Variants in DNAH5 observed in about 807,000 individuals in gnomAD.
DNAH5 encodes axonemal beta dynein heavy chain 5.
In DNAH5, 372 loss-of-function variants were observed where a neutral mutation model predicts 518.2. That is an observed-to-expected ratio of 0.72 (90% confidence interval 0.66 to 0.78). DNAH5 has a LOEUF of 0.78. Ranked by LOEUF, DNAH5 falls within the 30% of genes least tolerant of loss-of-function variation. DNAH5 has a pLI of 0.00. For synonymous variants in DNAH5, 2,039 were observed against 2,025.9 expected (o/e 1.01, Z -0.17); for missense variants, 5,523 against 5,687.0 (o/e 0.97, Z 0.93).
chr5:13,963,792 G>A (rs1016268000), intron 1 of DNAH5, among the ~76,000 whole-genome samples: 2 of 151,966 alleles, frequency 1.3e-5, no homozygotes, highest in African/African-American at 4.8e-5. Context: ...GGACTCAAAT[G>A]ATCCTCCTGC....
intron 1 of DNAH5, among the ~76,000 whole-genome samples, chr5:13,995,300 C>T (rs1180758122): frequency 6.6e-6 from 1 of 152,176 alleles, no homozygotes; most frequent in Admixed American, 6.5e-5. Context: ...TCCAAACCCC[C>T]AAAGTCAGCC....
At chr5:13,758,082 A>C (rs1293097698) in intron 61 of DNAH5, among the ~76,000 whole-genome samples, 1 of 152,176 alleles carries the variant, frequency 6.6e-6, no homozygotes, top group African/African-American at 2.4e-5. Flanking sequence ...TTTGTAAAAA[A>C]AAAAAATCAG....
chr5:13,974,138 CTTTTCTT>C (rs1782067199), intron 1 of DNAH5, among the ~76,000 whole-genome samples: 2 of 139,942 alleles, frequency 1.4e-5, no homozygotes, highest in South Asian at 4.6e-4. Context: ...TTTTTCTTTT[CTTTTCTT>C]TTTTTTTTTA....
At chr5:13,972,393 A>G (rs907212589) in intron 1 of DNAH5, among the ~76,000 whole-genome samples, 12 of 152,162 alleles carry the variant, frequency 7.9e-5, no homozygotes, top group Admixed American at 2.6e-4. Context: ...ACAAAGTTCA[A>G]TTGGAAGTTT....
rs1774471037 is a variant in DNAH5, at chr5:13,900,580, C to T, written c.2053-168G>A. 25 of 646,454 alleles carry T rather than the reference C, an allele frequency of 3.9e-5. No homozygotes were observed. In the South Asian group the frequency reaches 4.1e-4, roughly 11 times the overall value. 40.0% of individuals were successfully genotyped at this position (646,454 alleles called of 1,614,324 possible). On this transcript the variant is annotated intron_variant, in intron 14 of 78. Transcript: ENST00000265104. Reference sequence around the variant, plus strand: ...CTCTTCTCCTAAATCCAGTCTCATACAATAGCCTTCAAGTTCTTGGTGTTG... The same window carrying T: ...CTCTTCTCCTAAATCCAGTCTCATATAATAGCCTTCAAGTTCTTGGTGTTG...
rs780634368 is a variant in DNAH5, at chr5:13,824,337, G to T, written c.6445-4C>A. 6.2e-7 allele frequency: 1 copy of T among 1,614,008 alleles called. No individual in the cohort carries two copies. The highest frequency in any genetic ancestry group is 8.5e-7 in the Non-Finnish European group (1 of 1,179,952). ...GCAGGCCAAAGTCATAATGAACCTA[G>T]AGAATGTGAGATACATTGGGCTTAT... On this transcript the variant is annotated splice_polypyrimidine_tract_variant and splice_region_variant and intron_variant, in intron 38 of 78. Transcript: ENST00000265104.
At chr5:13,693,671 A>C (rs981864216) in intron 78 of DNAH5, among the ~76,000 whole-genome samples, 16 of 152,214 alleles carry the variant, frequency 1.1e-4, no homozygotes, top group Non-Finnish European at 2.2e-4. Flanking sequence ...CTAACATCCT[A>C]TGATGCACAG....
chr5:13,991,521 G>A (rs1423829901), intron 1 of DNAH5, among the ~76,000 whole-genome samples: 4 of 146,614 alleles, frequency 2.7e-5, no homozygotes, highest in African/African-American at 1.0e-4. Flanking sequence ...GGAGGAAGAG[G>A]AGGGGAGGAG....
At chr5:13,809,227 T>C (rs777199968) in intron 45 of DNAH5, 41 bp from the exon 46 acceptor site, 1 of 1,611,812 alleles carries the variant, frequency 6.2e-7, no homozygotes. Context: ...ATATTAATAA[T>C]TCAACTCCGA....
Position 13,829,575 on chromosome 5 carries a change from T to C in DNAH5, c.6379A>G (p.Asn2127Asp). The C allele has an allele frequency of 5.0e-6, 8 of 1,614,140 alleles. No homozygotes were observed. Among genetic ancestry groups the C allele is most frequent in the Non-Finnish European group, 6.8e-6 (8 of 1,180,018 alleles). Residue 2127 changes from asparagine (N) to aspartate (D), a missense_variant, in exon 38 of 79, where the codon AAC becomes GAC. Asn to Asp is a conservative substitution (Grantham distance 23). This residue lies in a region of DNAH5 where 5,121 missense variants were observed against 5,223.3 expected (regional missense o/e 0.98). Coordinates refer to ENST00000265104, the MANE Select transcript of DNAH5 (RefSeq NM_001369.3). ...VKLASCGFID[N>D]VVLARKFFTL... The stretch of plus-strand genomic sequence containing the variant: ...AAAAACTTCCTGGCCAAAACAACGT[T>C]GTCAATGAAGCCACAACTAGCCAAC...
chr5:13,987,801 C>T lies in DNAH5; in HGVS notation c.12+23847G>A, dbSNP rs866456732. ...CCCAGGAGGTGGAGATTGCAGCAAGCCAAGATGGCGCCACTGCACTCCAGC... is the reference window on the plus strand; with the variant it reads ...CCCAGGAGGTGGAGATTGCAGCAAGTCAAGATGGCGCCACTGCACTCCAGC... On this transcript the variant is annotated intron_variant, in intron 1 of 78. Coordinates refer to the DNAH5 transcript ENST00000681290. 2.8e-4 allele frequency among the ~76,000 whole-genome samples: 42 copies of T among 151,552 alleles called. No homozygotes were observed. The Middle Eastern group carries it at 0.014, about 50-fold the overall frequency.
At chr5:13,911,335 A>C (rs1178784885) in intron 12 of DNAH5, 51 bp downstream of exon 12, 1 of 1,434,274 alleles carries the variant, frequency 7.0e-7, no homozygotes. Context: ...TTATACAGAA[A>C]GGAAAAAATA....
chr5:13,771,955 G>A (rs1333451839), intron 55 of DNAH5, among the ~76,000 whole-genome samples: 6 of 152,050 alleles, frequency 3.9e-5, no homozygotes, highest in Admixed American at 3.9e-4. Flanking sequence ...GTTATTGTGG[G>A]GCTGTATTTA....
rs1353986962 is a variant in DNAH5 at position 13,830,183 on chromosome 5, A to C, written c.6092T>G (p.Phe2031Cys). The C allele has an allele frequency of 6.2e-7, 1 of 1,614,122 alleles. No individual in the cohort carries two copies. Among genetic ancestry groups the C allele is most frequent in the Non-Finnish European group, 8.5e-7 (1 of 1,180,002 alleles). Residue 2031 changes from phenylalanine (F) to cysteine (C), a missense_variant, in exon 37 of 79, where the codon TTT becomes TGT. This residue lies in a region of DNAH5 where 5,121 missense variants were observed against 5,223.3 expected (regional missense o/e 0.98). Transcript: ENST00000265104. The stretch of plus-strand genomic sequence containing the variant: ...TAGATCAATACGGTTAAATTCATCA[A>C]AACAACCCCAGGATCCAGACTGTGC... ...GLAQSGSWGC[F>C]DEFNRIDLPV...
intron 26 of DNAH5, 71 bp downstream of exon 26, chr5:13,866,149 G>T (rs536194585): frequency 4.2e-5 from 61 of 1,440,490 alleles, no homozygotes; most frequent in Non-Finnish European, 5.9e-5. Flanking sequence ...TTACAAAGAA[G>T]AAAACATATG....
Position 14,008,129 on chromosome 5 carries a change from G to A in DNAH5, c.12+3519C>T, listed in dbSNP as rs12109239. Among the ~76,000 whole-genome samples the A allele has an allele frequency of 6.1e-3, 924 of 150,262 alleles. 8 individuals carry two copies. The highest frequency in any genetic ancestry group is 0.022 in the African/African-American group (899 of 40,826). ...AGAGGTTGCAGTGAGCCGAGATCGC[G>A]CCATTGCATTCCAGCCTGGGCGATA... is the stretch of plus-strand genomic sequence containing the variant. On this transcript the variant is annotated intron_variant, in intron 1 of 78. Transcript: ENST00000681290.
At chr5:13,832,371 G>C (rs1763791034) in intron 35 of DNAH5, among the ~76,000 whole-genome samples, 1 of 152,174 alleles carries the variant, frequency 6.6e-6, no homozygotes, top group African/African-American at 2.4e-5. Context: ...GCTCAGCTAG[G>C]TGGGGCTTCA....
intron 1 of DNAH5, among the ~76,000 whole-genome samples, chr5:13,954,770 T>C (rs1002569734): frequency 6.6e-6 from 1 of 152,196 alleles, no homozygotes; most frequent in African/African-American, 2.4e-5. Context: ...CCAGCGTTGA[T>C]CTCGCTGCTA....
At chr5:13,733,928 G>A (rs1487656442) in intron 68 of DNAH5, among the ~76,000 whole-genome samples, 2 of 151,912 alleles carry the variant, frequency 1.3e-5, no homozygotes, top group Admixed American at 1.3e-4. Context: ...TAAAGACTTG[G>A]TTTAGAAAGG....
Sources: allele counts gnomAD v4.1 joint callset (sites outside exome capture counted in the v4.1 genomes callset), GRCh38; gene constraint gnomAD v4.1.1; regional missense constraint gnomAD v4.1.1; transcripts MANE v1.5; gene names NCBI Gene and HGNC (gene_info 2026-07-23, HGNC 2026-07-21).